EFCAB13: variants seen among roughly 807,000 people sequenced by gnomAD.
The protein encoded by EFCAB13 is EF-hand calcium binding domain 13, also known as EF-hand calcium-binding domain-containing protein 13.
In EFCAB13, 91 loss-of-function variants were observed where a neutral mutation model predicts 110.2. That is an observed-to-expected ratio of 0.83 (90% CI 0.70 to 0.98). EFCAB13 has a LOEUF of 0.98. Ranked by LOEUF, EFCAB13 falls within the 50% of genes least tolerant of loss-of-function variation. EFCAB13 has a pLI of 0.00. For missense variants in EFCAB13, 968 were observed against 1,119.4 expected, an observed-to-expected ratio of 0.86 and a Z score of 1.93; for synonymous variants, 323 against 369.9, an observed-to-expected ratio of 0.87 and a Z score of 1.45.
At chr17:47,436,942 G>A (rs985265376) in intron 24 of EFCAB13, among the ~76,000 whole-genome samples, 1 of 151,724 alleles carries the variant, frequency 6.6e-6, no homozygotes, top group African/African-American at 2.4e-5. Flanking sequence ...TATCCCAGAG[G>A]TTTTGATAGG....
At chr17:47,352,084 A>G (rs1313769967) in intron 9 of EFCAB13, among the ~76,000 whole-genome samples, 2 of 151,212 alleles carry the variant, frequency 1.3e-5, no homozygotes, top group African/African-American at 4.9e-5. Context: ...TTGTATTTTT[A>G]GTAGAGACGG....
intron 2 of EFCAB13, among the ~76,000 whole-genome samples, chr17:47,325,942 A>ATATATATATATATG: frequency 1.6e-5 from 1 of 62,000 alleles, no homozygotes; most frequent in Non-Finnish European, 3.6e-5. Flanking sequence ...ATATATATAT[A>ATATATATATATATG]TATATATATA....
chr17:47,358,918 T>C (rs1010261418), intron 9 of EFCAB13, among the ~76,000 whole-genome samples: 7 of 152,232 alleles, frequency 4.6e-5, no homozygotes, highest in Non-Finnish European at 5.9e-5. Context: ...GCCTTTGGCT[T>C]ATTTTCAGAG....
chr17:47,391,339 T>G (rs1480911154), intron 14 of EFCAB13, 98 bp from the exon 15 acceptor site: 1 of 871,950 alleles, frequency 1.1e-6, no homozygotes, highest in Non-Finnish European at 1.6e-6. Flanking sequence ...TGATTTATAT[T>G]TTTGTTAATT....
In EFCAB13 at chr17:47,419,993, G is replaced by A. The variant is rs564301676; in HGVS notation, c.2494+5074G>A. On this transcript the variant is annotated intron_variant, in intron 23 of 24. Coordinates refer to ENST00000331493, the MANE Select transcript of EFCAB13 (RefSeq NM_152347.5). ...TCTCTTTCCACGGTCTCCCTCTGAT[G>A]CCGAGCGGAAGCTGGACTGTACTGC... 2.6e-3 allele frequency among the ~76,000 whole-genome samples: 397 copies of A among 151,672 alleles called. 4 individuals carry two copies. The highest frequency in any genetic ancestry group is 9.4e-3 in the African/African-American group (388 of 41,304).
intron 9 of EFCAB13, among the ~76,000 whole-genome samples, chr17:47,353,152 T>G (rs552464240): frequency 6.6e-6 from 1 of 152,248 alleles, no homozygotes; most frequent in South Asian, 2.1e-4. Flanking sequence ...ATCCTTGTTT[T>G]GTTTTGGTTC....
intron 14 of EFCAB13, among the ~76,000 whole-genome samples, chr17:47,379,639 G>T (rs117092090): frequency 6.6e-6 from 1 of 151,668 alleles, no homozygotes; most frequent in South Asian, 2.1e-4. Context: ...TTTAAAAACA[G>T]CTTTATCAAG....
chr17:47,325,927 T>TATATATATATATATATATATATC, intron 2 of EFCAB13, among the ~76,000 whole-genome samples: 1 of 31,612 alleles, frequency 3.2e-5, no homozygotes, highest in East Asian at 1.0e-3. Context: ...AAACAAAATA[T>TATATATATATATATATATATATC]ATATATATAT....
chr17:47,372,797 C>T (rs2065592210), intron 11 of EFCAB13, among the ~76,000 whole-genome samples: 1 of 152,092 alleles, frequency 6.6e-6, no homozygotes, highest in Admixed American at 6.5e-5. Context: ...GAGAAATTTG[C>T]TGTCCTTATT....
At chr17:47,363,763 C>A (rs1339924154) in intron 10 of EFCAB13, among the ~76,000 whole-genome samples, 1 of 152,070 alleles carries the variant, frequency 6.6e-6, no homozygotes, top group South Asian at 2.1e-4. Flanking sequence ...GAGTGGGCTT[C>A]CACTAGTTTT....
chr17:47,351,540 C>A (rs2065453293), intron 9 of EFCAB13, among the ~76,000 whole-genome samples: 1 of 152,020 alleles, frequency 6.6e-6, no homozygotes, highest in South Asian at 2.1e-4. Context: ...ACACTGCTTT[C>A]CATTTTTTCA....
At chr17:47,433,477 G>T (rs1905157934) in intron 24 of EFCAB13, among the ~76,000 whole-genome samples, 1 of 152,064 alleles carries the variant, frequency 6.6e-6, no homozygotes, top group African/African-American at 2.4e-5. Context: ...AAAGAATTTG[G>T]GGACGTGTGT....
At chr17:47,394,524 T>C (rs2065726886) in intron 16 of EFCAB13, among the ~76,000 whole-genome samples, 1 of 152,156 alleles carries the variant, frequency 6.6e-6, no homozygotes, top group African/African-American at 2.4e-5. Context: ...ACCATTAATA[T>C]GTACTAGGCT....
intron 5 of EFCAB13, among the ~76,000 whole-genome samples, chr17:47,338,251 T>G (rs2065362867): frequency 6.6e-6 from 1 of 151,610 alleles, no homozygotes; most frequent in Non-Finnish European, 1.5e-5. Flanking sequence ...TAGTTTTTTT[T>G]TTTTTTTTTC....
Position 47,379,259 on chromosome 17 carries a change from T to C in EFCAB13, c.1582+6T>C, listed in dbSNP as rs780182995. The C allele has an allele frequency of 6.2e-7, 1 of 1,609,904 alleles. No individual in the cohort carries two copies. Among genetic ancestry groups the C allele is most frequent in the Non-Finnish European group, 8.5e-7 (1 of 1,176,512 alleles). ...AAGTTTTCCTGAATGCAATGGTAGG[T>C]AGGAAATTTGTTTTAAAATGATTTA... On this transcript the variant is annotated splice_donor_region_variant and intron_variant, in intron 14 of 24. Coordinates refer to ENST00000331493, the MANE Select transcript of EFCAB13 (RefSeq NM_152347.5).
At chr17:47,409,509 T>C in intron 20 of EFCAB13, 138 bp from the exon 21 acceptor site, 1 of 687,824 alleles carries the variant, frequency 1.5e-6, no homozygotes, top group Non-Finnish European at 2.5e-6. Flanking sequence ...GGAACAACTT[T>C]TGAGAAGAAG....
intron 4 of EFCAB13, 109 bp from the exon 5 acceptor site, chr17:47,335,087 A>G (rs141006783): frequency 8.2e-7 from 1 of 1,212,620 alleles, no homozygotes; most frequent in East Asian, 2.5e-5. Context: ...CTTCGGTAGC[A>G]CTATTTGAGA....
chr17:47,373,394 A>G (rs774771323), intron 11 of EFCAB13, among the ~76,000 whole-genome samples: 1 of 152,054 alleles, frequency 6.6e-6, no homozygotes, highest in Non-Finnish European at 1.5e-5. Flanking sequence ...TTCTCTAGAC[A>G]ATTAGTTTGA....
At position 47,440,389 on chromosome 17, in the gene EFCAB13, C is replaced by T. The variant is rs753955608; in HGVS notation, c.2639-42C>T. 8 of 1,497,612 alleles carry T rather than the reference C, an allele frequency of 5.3e-6. No individual in the cohort carries two copies. In the Middle Eastern group the frequency reaches 9.2e-4, roughly 172 times the overall value. The allele number at this position is 1,497,612 out of a possible 1,614,324, so 92.8% of individuals were successfully genotyped here. A position where few individuals can be genotyped will look rare whatever the true frequency, so the allele number is the denominator to read the frequency against. On this transcript the variant is annotated intron_variant, in intron 24 of 24. Coordinates refer to ENST00000331493, the MANE Select transcript of EFCAB13 (RefSeq NM_152347.5). The stretch of plus-strand genomic sequence containing the variant: ...TCAGCTATATTATTTAATTCTGAAA[C>T]AATAATTCTTTCTTTTAAGTAAATT...
Sources: allele counts gnomAD v4.1 joint callset (sites outside exome capture counted in the v4.1 genomes callset), GRCh38; gene constraint gnomAD v4.1.1; transcripts MANE v1.5; gene names NCBI Gene and HGNC (gene_info 2026-07-23, HGNC 2026-07-21).